Variants in PRKG1 observed in about 807,000 individuals in gnomAD.
PRKG1 encodes the protein protein kinase cGMP-dependent 1.
In PRKG1, 35 loss-of-function variants were observed where a neutral mutation model predicts 88.1. That is an observed-to-expected ratio of 0.40 (90% CI 0.30 to 0.53). PRKG1 has a LOEUF of 0.53. Ranked by LOEUF, PRKG1 falls within the 20% of genes least tolerant of loss-of-function variation. The probability of loss-of-function intolerance (pLI) is 0.59; values close to 1 mark genes in which losing one functional copy is unlikely to be tolerated. For synonymous variants in PRKG1, 303 were observed against 292.5 expected (o/e 1.04, Z -0.37); for missense variants, 540 against 839.8 (o/e 0.64, Z 4.41).
intron 2 of PRKG1, among the ~76,000 whole-genome samples, chr10:51,284,012 A>T (rs941509931): frequency 1.3e-5 from 2 of 152,244 alleles, no homozygotes; most frequent in Admixed American, 1.3e-4. Flanking sequence ...TGTCTGCTAT[A>T]CATATATAAA....
At chr10:51,373,232 C>T (rs1842739704) in intron 2 of PRKG1, among the ~76,000 whole-genome samples, 2 of 152,184 alleles carry the variant, frequency 1.3e-5, no homozygotes, top group African/African-American at 4.8e-5. Context: ...TTTTCACAAA[C>T]TTAGCAACAT....
At chr10:51,227,865 A>G (rs1838734697) in intron 2 of PRKG1, among the ~76,000 whole-genome samples, 1 of 152,226 alleles carries the variant, frequency 6.6e-6, no homozygotes, top group Non-Finnish European at 1.5e-5. Context: ...AGCAGGGACT[A>G]TCAAGTAAGG....
intron 2 of PRKG1, among the ~76,000 whole-genome samples, chr10:51,207,236 T>G (rs1349454909): frequency 1.3e-5 from 2 of 152,212 alleles, no homozygotes; most frequent in Non-Finnish European, 2.9e-5. Context: ...GCTGCCAGTT[T>G]TCTTAAAAGG....
intron 2 of PRKG1, among the ~76,000 whole-genome samples, chr10:51,257,460 G>A (rs1276636199): frequency 6.6e-6 from 1 of 152,156 alleles, no homozygotes; most frequent in Non-Finnish European, 1.5e-5. Flanking sequence ...TGGGTTGGAA[G>A]TGACAGAAAT....
At chr10:51,259,621 G>T (rs771969065) in intron 2 of PRKG1, among the ~76,000 whole-genome samples, 6 of 152,056 alleles carry the variant, frequency 3.9e-5, no homozygotes, top group African/African-American at 7.2e-5. Flanking sequence ...TTATAGGCGT[G>T]TGTCACCACG....
At chr10:52,166,118 GA>G (rs1387024801) in intron 9 of PRKG1, among the ~76,000 whole-genome samples, 55 of 152,290 alleles carry the variant, frequency 3.6e-4, no homozygotes, top group African/African-American at 1.3e-3. Flanking sequence ...GACATTAGAA[GA>G]GGCAACATCA....
chr10:51,494,710 T>C (rs1356234112), intron 3 of PRKG1, among the ~76,000 whole-genome samples: 1 of 152,354 alleles, frequency 6.6e-6, no homozygotes, highest in African/African-American at 2.4e-5. Context: ...CTTTGTAAAG[T>C]CTAAAACCAG....
At chr10:51,453,660 G>C (rs2132777998) in intron 2 of PRKG1, among the ~76,000 whole-genome samples, 1 of 151,968 alleles carries the variant, frequency 6.6e-6, no homozygotes, top group Admixed American at 6.6e-5. Context: ...ATTCCACTGT[G>C]GTCTGAGAGG....
chr10:51,948,064 T>C (rs1239327875), intron 5 of PRKG1, among the ~76,000 whole-genome samples: 1 of 152,164 alleles, frequency 6.6e-6, no homozygotes, highest in Non-Finnish European at 1.5e-5. Flanking sequence ...GGTATTTATT[T>C]TTTTCATTAT....
At chr10:51,131,688 C>G (rs542711187) in intron 1 of PRKG1, among the ~76,000 whole-genome samples, 1 of 152,298 alleles carries the variant, frequency 6.6e-6, no homozygotes, top group South Asian at 2.1e-4. Context: ...ATTGCAACAT[C>G]AAGTTGTTTG....
intron 2 of PRKG1, chr10:51,306,686 GTTC>G (rs1841047217): frequency 1.3e-5 from 2 of 152,140 alleles, no homozygotes; most frequent in Admixed American, 1.3e-4. Context: ...TAGTCTCATC[GTTC>G]TTCTCTGAGG....
chr10:52,267,641 G>A (rs539021570), intron 10 of PRKG1, among the ~76,000 whole-genome samples: 2 of 152,088 alleles, frequency 1.3e-5, no homozygotes, highest in African/African-American at 4.8e-5. Flanking sequence ...ATAGATGTGT[G>A]TGTATATATA....
chr10:51,841,652 TA>T (rs35867330), intron 4 of PRKG1, among the ~76,000 whole-genome samples: 77,218 of 151,320 alleles, frequency 0.51, 19,649 homozygotes, highest in Middle Eastern at 0.56. Context: ...CTGAATTTGT[TA>T]AAAAAAAAAG....
At position 51,439,821 on chromosome 10, in the gene PRKG1, G is replaced by A. The variant is rs10997566; in HGVS notation, c.479-27902G>A. 6.4e-3 allele frequency among the ~76,000 whole-genome samples: 978 copies of A among 151,964 alleles called. 14 individuals carry two copies. The highest frequency in any genetic ancestry group is 0.023 in the African/African-American group (942 of 41,510). On this transcript the variant is annotated intron_variant, in intron 2 of 17. Transcript: ENST00000373980. ...CATGTCAAGGTACTAAGATTGAATG[G>A]TGGAAAAATAAGTGTCTAAGGATGA...
chr10:51,074,353 G>C, upstream of PRKG1: 1 of 1,045,404 alleles, frequency 9.6e-7, no homozygotes, highest in South Asian at 2.0e-5. Context: ...CTGCTGGTTT[G>C]CTCTCCCCGC....
intron 1 of PRKG1, among the ~76,000 whole-genome samples, chr10:51,036,940 G>A (rs1057343928): frequency 6.6e-6 from 1 of 152,122 alleles, no homozygotes; most frequent in African/African-American, 2.4e-5. Flanking sequence ...TATCAGAGAG[G>A]ATGAATTCTC....
chr10:52,255,730 A>T (rs777838911), intron 10 of PRKG1, among the ~76,000 whole-genome samples: 3 of 152,042 alleles, frequency 2.0e-5, no homozygotes, highest in South Asian at 2.1e-4. Flanking sequence ...GAGGAACAAG[A>T]CGTCTTGCAG....
chr10:51,891,704 G>A (rs1841726112), intron 4 of PRKG1, among the ~76,000 whole-genome samples: 2 of 152,166 alleles, frequency 1.3e-5, no homozygotes, highest in South Asian at 4.1e-4. Flanking sequence ...AGGTCATATG[G>A]TCTTTGTCGC....
chr10:52,199,854 C>T (rs1839615179), intron 9 of PRKG1, among the ~76,000 whole-genome samples: 1 of 152,152 alleles, frequency 6.6e-6, no homozygotes, highest in Non-Finnish European at 1.5e-5. Flanking sequence ...TCCTACACAT[C>T]CCTAAAAGCT....
Sources: gnomAD v4.1 joint callset for allele counts (sites outside exome capture counted in the v4.1 genomes callset) on GRCh38, gnomAD v4.1.1 for gene constraint, MANE v1.5 for transcripts, NCBI Gene and HGNC (gene_info 2026-07-23, HGNC 2026-07-21) for gene names.